The following AGAP1 variants were observed in gnomAD, a reference collection of about 807,000 sequenced individuals.
The protein encoded by AGAP1 is ArfGAP with GTPase domain, ankyrin repeat and PH domain 1, also known as arf-GAP with GTPase, ANK repeat and PH domain-containing protein 1.
In AGAP1, 29 loss-of-function variants were observed where a neutral mutation model predicts 105.3. The observed-to-expected ratio is 0.28, with a 90% CI of 0.21 to 0.38. The LOEUF is 0.38. Ranked by LOEUF, AGAP1 falls within the 10% of genes least tolerant of loss-of-function variation. AGAP1 has a pLI of 1.00. For missense variants in AGAP1, 998 were observed against 1,165.1 expected (o/e 0.86, Z 2.09); for synonymous variants, 509 against 485.9 (o/e 1.05, Z -0.63).
chr2:235,601,575 A>G lies in AGAP1; in HGVS notation c.163+106726A>G, dbSNP rs1253758608. Among the ~76,000 whole-genome samples, 1 of 152,142 alleles carries G rather than the reference A, an allele frequency of 6.6e-6. No individual in the cohort carries two copies. Among genetic ancestry groups the G allele is most frequent in the Non-Finnish European group, 1.5e-5 (1 of 68,030 alleles). Reference sequence around the variant, plus strand: ...TTATAAAACCATCAGATCTTGTGAGACTTATTTTCTACCACAGAACAGAAT... The same window carrying G: ...TTATAAAACCATCAGATCTTGTGAGGCTTATTTTCTACCACAGAACAGAAT... On this transcript the variant is annotated intron_variant, in intron 1 of 17. Coordinates refer to ENST00000304032, the MANE Select transcript of AGAP1 (RefSeq NM_001037131.3). The surrounding 1 kb of genome is among the most constrained non-coding windows in gnomAD (Gnocchi z 4.4).
At position 235,994,791 on chromosome 2, in the gene AGAP1, G is replaced by C. The variant is rs576121543; in HGVS notation, c.1645+26168G>C. ...TTAAACTAAAATTAGAATAGGCCGG[G>C]CCCAATGGCTCACACCTGTAATCCT... is the stretch of plus-strand genomic sequence containing the variant. On this transcript the variant is annotated intron_variant, in intron 13 of 17. Coordinates refer to ENST00000304032, the MANE Select transcript of AGAP1 (RefSeq NM_001037131.3). This position sits in a 1 kb window ranked among gnomAD's most constrained non-coding sequence, Gnocchi z 4.4. 6.6e-6 allele frequency among the ~76,000 whole-genome samples: 1 copy of C among 150,772 alleles called. No homozygotes were observed. Among genetic ancestry groups the C allele is most frequent in the Admixed American group, 6.6e-5 (1 of 15,164 alleles).
rs1358712009 is a variant in AGAP1, at chr2:236,003,763, G to T, written c.1646-32798G>T. 6.6e-6 allele frequency among the ~76,000 whole-genome samples: 1 copy of T among 151,966 alleles called. No homozygotes were observed. The highest frequency in any genetic ancestry group is 1.5e-5 in the Non-Finnish European group (1 of 67,990). On this transcript the variant is annotated intron_variant, in intron 13 of 17. Transcript: ENST00000304032. The surrounding 1 kb of genome is among the most constrained non-coding windows in gnomAD (Gnocchi z 4.2). ...CAAGGCCTGTGTGCAGCTCACTGTG[G>T]AGGGGTCACTGCTGTCCTACCACTT...
Position 236,110,167 on chromosome 2 carries a change from G to C in AGAP1, c.2115-10025G>C, listed in dbSNP as rs558325886. Among the ~76,000 whole-genome samples, 6 of 152,266 alleles carry C rather than the reference G, an allele frequency of 3.9e-5. No individual in the cohort carries two copies. The South Asian group carries it at 1.2e-3, about 32-fold the overall frequency. On this transcript the variant is annotated intron_variant, in intron 16 of 17. Coordinates refer to ENST00000304032, the MANE Select transcript of AGAP1 (RefSeq NM_001037131.3). Reference sequence around the variant, plus strand: ...GGTAAGAATAGGACCTTCCTCACTAGGTGTTGTTAGAATTAAACCAGGTAA... The same window carrying C: ...GGTAAGAATAGGACCTTCCTCACTACGTGTTGTTAGAATTAAACCAGGTAA...
rs1368710598 is a variant in AGAP1, at chr2:235,893,159, C to G, written c.1155+9710C>G. On this transcript the variant is annotated intron_variant, in intron 10 of 17. Transcript: ENST00000304032. This position sits in a 1 kb window ranked among gnomAD's most constrained non-coding sequence, Gnocchi z 4.7. ...GTGGCGTAGTGTGCACCGTGTCCAT[C>G]ATAAGGGAGCGCTGTGTCTTTGGCG... Among the ~76,000 whole-genome samples, 1 of 149,620 alleles carries G rather than the reference C, an allele frequency of 6.7e-6. No individual in the cohort carries two copies. The highest frequency in any genetic ancestry group is 2.0e-4 in the East Asian group (1 of 5,006).
chr2:235,748,071 T>C (rs1181493562), intron 5 of AGAP1, among the ~76,000 whole-genome samples: 2 of 152,240 alleles, frequency 1.3e-5, no homozygotes, highest in African/African-American at 4.8e-5. Flanking sequence ...AGTTCTGTTT[T>C]AAAGACTTGC....
rs549844265 is a variant in AGAP1 at position 235,702,934 on chromosome 2, G to GTTTTTTTTT, written c.164-6241_164-6233dup. Among the ~76,000 whole-genome samples the GTTTTTTTTT allele has an allele frequency of 3.3e-4, 29 of 88,958 alleles. 4 individuals are homozygous for GTTTTTTTTT. The South Asian group carries it at 4.0e-3, about 12-fold the overall frequency. 58.4% of individuals were successfully genotyped at this position (88,958 alleles called of 152,430 possible). The stretch of plus-strand genomic sequence containing the variant: ...TGGTCACTGTGAGCCAGTTTTCTTG[G>GTTTTTTTTT]TTTTTTTTTTTTGGACAGAGTCTGG... On this transcript the variant is annotated intron_variant, in intron 1 of 17. Coordinates refer to ENST00000304032, the MANE Select transcript of AGAP1 (RefSeq NM_001037131.3).
Position 236,121,207 on chromosome 2 carries a change from C to T in AGAP1, c.2370+760C>T, listed in dbSNP as rs1559296336. 6.6e-6 allele frequency among the ~76,000 whole-genome samples: 1 copy of T among 152,354 alleles called. No individual in the cohort carries two copies. Among genetic ancestry groups the T allele is most frequent in the Middle Eastern group, 3.4e-3 (1 of 294 alleles). ...AGCTGGAGGCTCTTCTGTCTCCACC[C>T]GCAAGGCAGGATGGGTCAGTCCAGC... On this transcript the variant is annotated intron_variant, in intron 17 of 17. Coordinates refer to ENST00000304032, the MANE Select transcript of AGAP1 (RefSeq NM_001037131.3). The surrounding 1 kb of genome is among the most constrained non-coding windows in gnomAD (Gnocchi z 4.9).
intron 16 of AGAP1, among the ~76,000 whole-genome samples, chr2:236,081,299 T>G (rs1234251639): frequency 6.6e-6 from 1 of 152,124 alleles, no homozygotes; most frequent in Non-Finnish European, 1.5e-5. Context: ...TCAACTTTCT[T>G]CTTTAAAAAT....
chr2:235,744,328 G>A lies in AGAP1; in HGVS notation c.397-370G>A, dbSNP rs1015173012. On this transcript the variant is annotated intron_variant, in intron 4 of 17. Transcript: ENST00000304032. The surrounding 1 kb of genome is among the most constrained non-coding windows in gnomAD (Gnocchi z 5.2). ...AGTGGAAAGCCTTAGGGCTTGAGGG[G>A]CTCTGGCAGGAGGTGGGTCTGGCCT... Among the ~76,000 whole-genome samples the A allele has an allele frequency of 6.6e-6, 1 of 152,184 alleles. No homozygotes were observed. Among genetic ancestry groups the A allele is most frequent in the African/African-American group, 2.4e-5 (1 of 41,456 alleles).
rs538623296 is a variant in AGAP1 at position 236,092,118 on chromosome 2, T to A, written c.2115-28074T>A. 6.6e-6 allele frequency among the ~76,000 whole-genome samples: 1 copy of A among 152,218 alleles called. No homozygotes were observed. Among genetic ancestry groups the A allele is most frequent in the Admixed American group, 6.5e-5 (1 of 15,298 alleles). ...GTTAGTGGTTGTCCAGGGTTAGGGA[T>A]GGAGAGGGTGGGTGAGGTTTTAGAA... On this transcript the variant is annotated intron_variant, in intron 16 of 17. Transcript: ENST00000304032. The surrounding 1 kb of genome is among the most constrained non-coding windows in gnomAD (Gnocchi z 4.7).
Position 235,631,341 on chromosome 2 carries a change from C to T in AGAP1, c.164-77838C>T, listed in dbSNP as rs138872728. Among the ~76,000 whole-genome samples the T allele has an allele frequency of 9.1e-4, 138 of 152,270 alleles. No homozygotes were observed. The highest frequency in any genetic ancestry group is 1.4e-3 in the Non-Finnish European group (96 of 68,038). On this transcript the variant is annotated intron_variant, in intron 1 of 17. Coordinates refer to ENST00000304032, the MANE Select transcript of AGAP1 (RefSeq NM_001037131.3). This position sits in a 1 kb window ranked among gnomAD's most constrained non-coding sequence, Gnocchi z 5.4. ...AAGTCAAGCATGGCGCAAGGAAGGA[C>T]GATGGATTAGCCAACCATGACCGGC...
chr2:235,860,091 C>T (rs1242801081), intron 9 of AGAP1, among the ~76,000 whole-genome samples: 1 of 152,146 alleles, frequency 6.6e-6, no homozygotes, highest in Admixed American at 6.5e-5. Context: ...TTCTTCTTCT[C>T]CTCCTCCTCC....
chr2:235,918,267 C>T (rs73128439), intron 11 of AGAP1, among the ~76,000 whole-genome samples: 2,050 of 152,304 alleles, frequency 0.013, 53 homozygotes, highest in African/African-American at 0.047. Context: ...CAAATGGAAG[C>T]CTTACTGGTC....
intron 1 of AGAP1, among the ~76,000 whole-genome samples, chr2:235,533,578 C>G (rs959927358): frequency 2.0e-5 from 3 of 152,220 alleles, no homozygotes; most frequent in African/African-American, 7.2e-5. Context: ...AGATTAAACA[C>G]ATGGCAAGCA....
At position 235,904,667 on chromosome 2, in the gene AGAP1, G is replaced by A. The variant is rs57939334; in HGVS notation, c.1156-4071G>A. On this transcript the variant is annotated intron_variant, in intron 10 of 17. Coordinates refer to ENST00000304032, the MANE Select transcript of AGAP1 (RefSeq NM_001037131.3). The surrounding 1 kb of genome is among the most constrained non-coding windows in gnomAD (Gnocchi z 4.2). ...TTACCGAGGTCCCTAACTCAGACCC[G>A]TGAAGGGTCTGCACAGCCCCTTGAC... 0.051 allele frequency among the ~76,000 whole-genome samples: 7,798 copies of A among 152,236 alleles called. 677 individuals carry two copies. Among genetic ancestry groups the A allele is most frequent in the African/African-American group, 0.18 (7,268 of 41,500 alleles).
rs1047879709 is a variant in AGAP1 at position 235,988,703 on chromosome 2, T to A, written c.1645+20080T>A. Among the ~76,000 whole-genome samples the A allele has an allele frequency of 6.6e-6, 1 of 152,122 alleles. No homozygotes were observed. Among genetic ancestry groups the A allele is most frequent in the Admixed American group, 6.6e-5 (1 of 15,266 alleles). On this transcript the variant is annotated intron_variant, in intron 13 of 17. Transcript: ENST00000304032. The surrounding 1 kb of genome is among the most constrained non-coding windows in gnomAD (Gnocchi z 4.7). ...GAATCTTAAAGACGAGAAATGATTA[T>A]TTTTTTCCCGCCGACTCCACTCTGG...
At chr2:235,837,045 G>A (rs758246129) in intron 9 of AGAP1, among the ~76,000 whole-genome samples, 4 of 152,202 alleles carry the variant, frequency 2.6e-5, no homozygotes, top group African/African-American at 4.8e-5. Context: ...GAGTGCAGTG[G>A]CGCAATCTCA....
At chr2:235,926,031 A>T (rs1049529961) in intron 11 of AGAP1, among the ~76,000 whole-genome samples, 1 of 152,240 alleles carries the variant, frequency 6.6e-6, no homozygotes, top group Admixed American at 6.5e-5. Flanking sequence ...ATGCTTAAAG[A>T]TATTTCCAAA....
At position 235,936,191 on chromosome 2, in the gene AGAP1, T is replaced by A. The variant is rs2052979745; in HGVS notation, c.1483+5268T>A. Among the ~76,000 whole-genome samples the A allele has an allele frequency of 6.6e-6, 1 of 152,352 alleles. No homozygotes were observed. Among genetic ancestry groups the A allele is most frequent in the East Asian group, 1.9e-4 (1 of 5,174 alleles). ...CATTTCTTCACGTGACTCTTCCATG[T>A]GGCTCTTGAGCCTCACTTCCCTCGG... On this transcript the variant is annotated intron_variant, in intron 12 of 17. Transcript: ENST00000304032. This position sits in a 1 kb window ranked among gnomAD's most constrained non-coding sequence, Gnocchi z 4.7.
Sources: gnomAD v4.1 joint callset for allele counts (sites outside exome capture counted in the v4.1 genomes callset) on GRCh38, gnomAD v4.1.1 for gene constraint, Gnocchi (gnomAD v3.1) non-coding constraint, MANE v1.5 for transcripts, NCBI Gene and HGNC (gene_info 2026-07-23, HGNC 2026-07-21) for gene names.